Variants in ARMC9 observed in about 807,000 individuals in gnomAD.
ARMC9 encodes the protein lisH domain-containing protein ARMC9.
Under a neutral mutation model 107.0 loss-of-function variants are expected in ARMC9, and 94 were observed. The ratio of observed to expected loss-of-function variants is 0.88; its 90% CI spans 0.74 to 1.04. The LOEUF (loss-of-function observed/expected upper bound fraction) is 1.04, where lower values mean the gene tolerates loss of function less well. ARMC9 is among the 50% of genes least tolerant of loss of function. The probability of loss-of-function intolerance (pLI) is 0.00; values close to 1 mark genes in which losing one functional copy is unlikely to be tolerated. For synonymous variants in ARMC9, 380 were observed against 396.9 expected (o/e 0.96, Z 0.51); for missense variants, 942 against 1,030.1 (o/e 0.91, Z 1.17).
intron 20 of ARMC9, among the ~76,000 whole-genome samples, chr2:231,340,313 G>A (rs373670599): frequency 3.3e-5 from 5 of 152,044 alleles, no homozygotes; most frequent in East Asian, 3.9e-4. Flanking sequence ...AGTTTTTATC[G>A]CTTGTTTTCA....
chr2:231,261,855 C>G (rs568313393), intron 11 of ARMC9, among the ~76,000 whole-genome samples: 2 of 151,480 alleles, frequency 1.3e-5, no homozygotes, highest in Admixed American at 1.3e-4. Context: ...CCGAGTCTTG[C>G]TCTGTCGCCC....
intron 14 of ARMC9, among the ~76,000 whole-genome samples, chr2:231,275,353 G>A (rs2039670170): frequency 6.6e-6 from 1 of 152,142 alleles, no homozygotes; most frequent in Non-Finnish European, 1.5e-5. Flanking sequence ...TGGCATGTCA[G>A]TTTTCTACTA....
chr2:231,251,629 C>T lies in ARMC9; in HGVS notation c.880-4957C>T, dbSNP rs140269767. Among the ~76,000 whole-genome samples the T allele has an allele frequency of 7.5e-4, 114 of 152,312 alleles. 1 individual carries two copies. The East Asian group carries it at 0.017, about 22-fold the overall frequency. ...AGAAGGGCATTTGCTTTCTTCACTGCGTATCACTAGCGCATAGCAGAGACC... is the reference window on the plus strand; with the variant it reads ...AGAAGGGCATTTGCTTTCTTCACTGTGTATCACTAGCGCATAGCAGAGACC... On this transcript the variant is annotated intron_variant, in intron 9 of 24. Transcript: ENST00000611582.
chr2:231,301,918 G>A (rs1483939281), intron 19 of ARMC9, among the ~76,000 whole-genome samples: 2 of 152,024 alleles, frequency 1.3e-5, no homozygotes, highest in Non-Finnish European at 2.9e-5. Context: ...GGTGGAGGTT[G>A]CAGTGATCCA....
chr2:231,370,603 C>G (rs887103753), intron 24 of ARMC9: 1 of 158,788 alleles, frequency 6.3e-6, no homozygotes, highest in South Asian at 1.9e-4. Flanking sequence ...GGTGTCTGCT[C>G]GCAGGCTGGA....
intron 19 of ARMC9, among the ~76,000 whole-genome samples, chr2:231,311,642 C>T (rs933914368): frequency 5.9e-5 from 9 of 151,822 alleles, no homozygotes; most frequent in South Asian, 2.1e-4. Context: ...TGGTGGCATG[C>T]GCCTGTAATC....
chr2:231,240,101 T>G, intron 9 of ARMC9, 60 bp downstream of exon 9: 1 of 1,367,456 alleles, frequency 7.3e-7, no homozygotes, highest in Non-Finnish European at 1.0e-6. Context: ...TTAAAAAGAA[T>G]GTAACTTTAA....
At chr2:231,320,759 A>G (rs2042953634) in intron 19 of ARMC9, among the ~76,000 whole-genome samples, 1 of 152,110 alleles carries the variant, frequency 6.6e-6, no homozygotes, top group South Asian at 2.1e-4. Flanking sequence ...GTCACAGCTC[A>G]CTGAGGTATT....
intron 12 of ARMC9, among the ~76,000 whole-genome samples, chr2:231,268,441 C>G (rs2039036218): frequency 6.6e-6 from 1 of 152,150 alleles, no homozygotes; most frequent in African/African-American, 2.4e-5. Flanking sequence ...TGGGTTTAGT[C>G]TGGAAAACAT....
At chr2:231,279,632 T>C (rs2040051108) in intron 16 of ARMC9, among the ~76,000 whole-genome samples, 1 of 149,714 alleles carries the variant, frequency 6.7e-6, no homozygotes, top group Admixed American at 6.7e-5. Context: ...TGCCTCAGCC[T>C]CCCAAGTAGC....
rs149900952 is a variant in ARMC9, at chr2:231,319,780, C to T, written c.1774-12013C>T. On this transcript the variant is annotated intron_variant, in intron 19 of 24. Transcript: ENST00000611582. ...GTCCTGCATGTGGCCACCAGACCAT[C>T]TTCTTAAAGCAGAGCTTGGACCACA... Among the ~76,000 whole-genome samples, 569 of 152,318 alleles carry T rather than the reference C, an allele frequency of 3.7e-3. 3 individuals are homozygous for T. The highest frequency in any genetic ancestry group is 6.3e-3 in the Non-Finnish European group (428 of 68,026).
At position 231,376,192 on chromosome 2, in the gene ARMC9, C is replaced by A. The variant is rs59575974; in HGVS notation, c.*4657C>A. On this transcript the variant is annotated 3_prime_UTR_variant, in exon 25 of 25. Coordinates refer to ENST00000611582, the MANE Select transcript of ARMC9 (RefSeq NM_001352754.2). ...ACAAATTGTACAGCATGTGTGTTTG[C>A]GCAATATGAAATCTGAGCACCTTGA... Among the ~76,000 whole-genome samples the A allele has an allele frequency of 0.11, 16,874 of 152,030 alleles. 3,090 individuals are homozygous for A. Among genetic ancestry groups the A allele is most frequent in the African/African-American group, 0.38 (15,809 of 41,376 alleles).
At chr2:231,348,446 C>G (rs187128028) in intron 21 of ARMC9, among the ~76,000 whole-genome samples, 1 of 152,308 alleles carries the variant, frequency 6.6e-6, no homozygotes, top group East Asian at 1.9e-4. Context: ...TTTTCAGTCA[C>G]TAAGTTTGTG....
At chr2:231,200,797 T>C (rs1429000360) in intron 1 of ARMC9, among the ~76,000 whole-genome samples, 1 of 149,828 alleles carries the variant, frequency 6.7e-6, no homozygotes, top group Non-Finnish European at 1.5e-5. Context: ...ATCCCGCCAC[T>C]GCACTCCAGC....
intron 13 of ARMC9, among the ~76,000 whole-genome samples, chr2:231,272,185 TG>T (rs2039382860): frequency 1.4e-5 from 2 of 144,440 alleles, no homozygotes; most frequent in South Asian, 2.2e-4. Context: ...TGTGTGTGTT[TG>T]GTTTTTTTTT....
rs915579041 is a variant in ARMC9 at position 231,264,577 on chromosome 2, G to A, written c.1119+2179G>A. On this transcript the variant is annotated intron_variant, in intron 12 of 24. Coordinates refer to ENST00000611582, the MANE Select transcript of ARMC9 (RefSeq NM_001352754.2). ...CAGTGGCACGATCTCGGCTCACTGC[G>A]ACCTCCACCTCCTGGGTTCGAGCGA... Among the ~76,000 whole-genome samples, 17 of 147,780 alleles carry A rather than the reference G, an allele frequency of 1.2e-4. No homozygotes were observed. The East Asian group carries it at 2.9e-3, about 25-fold the overall frequency.
chr2:231,285,748 A>C (rs532298439), intron 17 of ARMC9, among the ~76,000 whole-genome samples: 2 of 152,332 alleles, frequency 1.3e-5, no homozygotes, highest in African/African-American at 4.8e-5. Context: ...AGAACGCATC[A>C]GCTAGGCAGT....
intron 19 of ARMC9, among the ~76,000 whole-genome samples, chr2:231,312,549 G>A (rs1012493429): frequency 2.0e-5 from 3 of 151,310 alleles, no homozygotes; most frequent in African/African-American, 4.9e-5. Flanking sequence ...CGAACAAACC[G>A]TTTGAAGATA....
chr2:231,215,023 G>T (rs1198803807), intron 4 of ARMC9, 22 bp downstream of exon 4: 1 of 1,612,538 alleles, frequency 6.2e-7, no homozygotes, highest in Admixed American at 1.7e-5. Flanking sequence ...TGGTGATGCG[G>T]GTGGGTCTGA....
Sources: allele counts gnomAD v4.1 joint callset (sites outside exome capture counted in the v4.1 genomes callset), GRCh38; gene constraint gnomAD v4.1.1; transcripts MANE v1.5; gene names NCBI Gene and HGNC (gene_info 2026-07-23, HGNC 2026-07-21).